Variants in C9orf50 observed in about 807,000 individuals in gnomAD.
The protein encoded by C9orf50 is uncharacterized protein C9orf50.
In C9orf50, 33 loss-of-function variants were observed where a neutral mutation model predicts 42.5. The ratio of observed to expected loss-of-function variants is 0.78; its 90% confidence interval spans 0.59 to 1.04. The LOEUF (loss-of-function observed/expected upper bound fraction) is 1.04, where lower values mean the gene tolerates loss of function less well. C9orf50 is among the 50% of genes least tolerant of loss of function. The pLI, the probability that C9orf50 is intolerant of heterozygous loss-of-function variation, is 0.00. For missense variants in C9orf50, 547 were observed against 594.3 expected (o/e 0.92, Z 0.83); for synonymous variants, 257 against 273.4 (o/e 0.94, Z 0.59).
At chr9:129,620,827 G>GC (rs1830669103), upstream of C9orf50, 1 of 375,274 alleles carries the variant, frequency 2.7e-6, no homozygotes, top group South Asian at 1.4e-4. This position sits in a 1 kb window ranked among gnomAD's most constrained non-coding sequence, Gnocchi z 5.8. Flanking sequence ...GTTTAAATGA[G>GC]CAAGTACATG....
At position 129,615,657 on chromosome 9, in the gene C9orf50, G is replaced by A; in HGVS notation, c.717-10C>T. On this transcript the variant is annotated splice_polypyrimidine_tract_variant and intron_variant, in intron 3 of 6. Coordinates refer to ENST00000372478, the Ensembl canonical transcript of C9orf50. ...TGCACCGTGGGGCCTGCTGAGAGAG[G>A]GGAGAGGGGCCTGTGCTCGAAGCCC... The A allele has an allele frequency of 1.3e-6, 2 of 1,536,718 alleles. No individual in the cohort carries two copies. Among genetic ancestry groups the A allele is most frequent in the Non-Finnish European group, 1.7e-6 (2 of 1,147,206 alleles).
Position 129,613,040 on chromosome 9 carries a change from C to T in C9orf50, c.1188+67G>A. ...CCAGCCACTCCACCAAACAGGGCTG[C>T]TCCCGGAGCCAGCTGCCAGCAGGGG... On this transcript the variant is annotated intron_variant, in intron 6 of 6. Coordinates refer to ENST00000372478, the Ensembl canonical transcript of C9orf50. This position sits in a 1 kb window ranked among gnomAD's most constrained non-coding sequence, Gnocchi z 6.2. 6.3e-7 allele frequency: 1 copy of T among 1,596,410 alleles called. No individual in the cohort carries two copies. Among genetic ancestry groups the T allele is most frequent in the Non-Finnish European group, 8.5e-7 (1 of 1,173,330 alleles).
At chr9:129,618,131 G>T (rs999364703) in intron 3 of C9orf50, among the ~76,000 whole-genome samples, 1 of 152,190 alleles carries the variant, frequency 6.6e-6, no homozygotes. Flanking sequence ...TGATATGTTT[G>T]TGATGTATTT....
chr9:129,620,038 C>A lies in C9orf50; in HGVS notation c.508+29G>T. 2 of 1,454,250 alleles carry A rather than the reference C, an allele frequency of 1.4e-6. No homozygotes were observed. The allele number at this position is 1,454,250 out of a possible 1,614,324, so 90.1% of individuals were successfully genotyped here. A position where few individuals can be genotyped will look rare whatever the true frequency, so the allele number is the denominator to read the frequency against. ...CACCCCCCACCGGAAATGACTCGGGCCCGCCCCCCGGGCCCCGCGGGGCCT... is the reference window on the plus strand; with the variant it reads ...CACCCCCCACCGGAAATGACTCGGGACCGCCCCCCGGGCCCCGCGGGGCCT... On this transcript the variant is annotated intron_variant, in intron 1 of 6. Coordinates refer to ENST00000372478, the Ensembl canonical transcript of C9orf50. The surrounding 1 kb of genome is among the most constrained non-coding windows in gnomAD (Gnocchi z 5.8).
chr9:129,615,722 G>A (rs752926151), intron 3 of C9orf50, 75 bp from the exon 4 acceptor site: 15 of 1,426,896 alleles, frequency 1.1e-5, no homozygotes, highest in South Asian at 2.9e-5. Flanking sequence ...CCCCAGACTC[G>A]CTGTGAGATC....
Position 129,613,144 on chromosome 9 carries a change from A to C in C9orf50, c.1151T>G (p.Leu384Arg), listed in dbSNP as rs1203527718. 6.2e-7 allele frequency: 1 copy of C among 1,613,844 alleles called. No homozygotes were observed. Among genetic ancestry groups the C allele is most frequent in the South Asian group, 1.1e-5 (1 of 91,080 alleles). ...TCTGTGCGGGTCCAAGAAGGCTCGG[A>C]GGCTGCTTCGCGGCCTCTGAGCAGC... Residue 384 changes from leucine to arginine, a missense_variant, in exon 6 of 7, where the codon CTC becomes CGC. Around this residue, in one of 3 missense-constraint regions of C9orf50, gnomAD observed 334 missense variants for 323.7 expected, o/e 1.03. Coordinates refer to ENST00000372478, the Ensembl canonical transcript of C9orf50. The surrounding 1 kb of genome is among the most constrained non-coding windows in gnomAD (Gnocchi z 6.2).
Position 129,620,685 on chromosome 9 carries a change from A to ACTAT in C9orf50, c.-112_-111insATAG. Reference sequence around the variant, plus strand: ...CAGGCCATAGTGCCCCGGGCGGGGCAGCGCGGTGCGGGGTGAACGCCACCG... The same window carrying ACTAT: ...CAGGCCATAGTGCCCCGGGCGGGGCACTATGCGCGGTGCGGGGTGAACGCCACCG... On this transcript the variant is annotated 5_prime_UTR_variant, in exon 1 of 7. Coordinates refer to ENST00000372478, the Ensembl canonical transcript of C9orf50. This position sits in a 1 kb window ranked among gnomAD's most constrained non-coding sequence, Gnocchi z 5.8. The ACTAT allele has an allele frequency of 9.5e-7, 1 of 1,054,922 alleles. No homozygotes were observed. Among genetic ancestry groups the ACTAT allele is most frequent in the Non-Finnish European group, 1.2e-6 (1 of 826,772 alleles). 65.3% of individuals were successfully genotyped at this position (1,054,922 alleles called of 1,614,324 possible).
At chr9:129,619,425 A>G in intron 3 of C9orf50, 95 bp downstream of exon 3, 1 of 877,522 alleles carries the variant, frequency 1.1e-6, no homozygotes, top group South Asian at 1.6e-5. Flanking sequence ...AGATAGGTGG[A>G]TAAATGAATA....
At position 129,614,254 on chromosome 9, in the gene C9orf50, C is replaced by G. The variant is rs1209745126; in HGVS notation, c.881-657G>C. Among the ~76,000 whole-genome samples the G allele has an allele frequency of 1.3e-5, 2 of 152,208 alleles. No individual in the cohort carries two copies. Among genetic ancestry groups the G allele is most frequent in the East Asian group, 3.8e-4 (2 of 5,196 alleles). ...CTCTGCGTCACCCACACAAGCCCAT[C>G]CTGCTTCTGGGGCCTTGGTTTCCCC... On this transcript the variant is annotated intron_variant, in intron 4 of 6. Transcript: ENST00000372478. The surrounding 1 kb of genome is among the most constrained non-coding windows in gnomAD (Gnocchi z 4.4).
In C9orf50 at chr9:129,613,252, C is replaced by T. The variant is rs756420695; in HGVS notation, c.1044-1G>A. ...GTAGCCCTGTGTCTTCTGGGTGGAC[C>T]TGGGGGAGACAGGACCCCATGAGCT... is the stretch of plus-strand genomic sequence containing the variant. On this transcript the variant is annotated splice_acceptor_variant, in intron 5 of 6. Coordinates refer to ENST00000372478, the Ensembl canonical transcript of C9orf50. LOFTEE classifies it high-confidence loss of function. This position sits in a 1 kb window ranked among gnomAD's most constrained non-coding sequence, Gnocchi z 6.2. 9 of 1,601,272 alleles carry T rather than the reference C, an allele frequency of 5.6e-6. No homozygotes were observed. Among genetic ancestry groups the T allele is most frequent in the Non-Finnish European group, 6.8e-6 (8 of 1,172,288 alleles).
In C9orf50 at chr9:129,620,525, C is replaced by A; in HGVS notation, c.50G>T (p.Gly17Val). Residue 17 changes from glycine to valine, a missense_variant, in exon 1 of 7, where the codon GGG (glycine) becomes GTG (valine). Physicochemically the swap from Gly to Val is moderately radical, Grantham distance 109. Transcript: ENST00000372478. This position sits in a 1 kb window ranked among gnomAD's most constrained non-coding sequence, Gnocchi z 5.8. Reference sequence around the variant, plus strand: ...TCGGAAGTCTCCGTCGCCAGGGAGCCCCTTGGGCGCCAGGTCCTGGGCCCC... The same window carrying A: ...TCGGAAGTCTCCGTCGCCAGGGAGCACCTTGGGCGCCAGGTCCTGGGCCCC... The A allele has an allele frequency of 6.9e-7, 1 of 1,445,278 alleles. No homozygotes were observed. Among genetic ancestry groups the A allele is most frequent in the South Asian group, 1.4e-5 (1 of 71,984 alleles). The allele number at this position is 1,445,278 out of a possible 1,614,324, so 89.5% of individuals were successfully genotyped here.
chr9:129,614,733 T>C lies in C9orf50; in HGVS notation c.880+751A>G, dbSNP rs1830266502. 6.6e-6 allele frequency among the ~76,000 whole-genome samples: 1 copy of C among 151,668 alleles called. No homozygotes were observed. Among genetic ancestry groups the C allele is most frequent in the South Asian group, 2.1e-4 (1 of 4,808 alleles). The stretch of plus-strand genomic sequence containing the variant: ...CCCTGGTCAACATGGAGAAACCCCG[T>C]CTCTACTAAAAATACAAAATTAGCC... On this transcript the variant is annotated intron_variant, in intron 4 of 6. Transcript: ENST00000372478. The surrounding 1 kb of genome is among the most constrained non-coding windows in gnomAD (Gnocchi z 4.4).
chr9:129,620,523 G>T lies in C9orf50; in HGVS notation c.52C>A (p.Leu18Ile). 6.9e-7 allele frequency: 1 copy of T among 1,444,892 alleles called. No individual in the cohort carries two copies. The highest frequency in any genetic ancestry group is 1.4e-5 in the South Asian group (1 of 71,954). The allele number at this position is 1,444,892 out of a possible 1,614,324, so 89.5% of individuals were successfully genotyped here. Residue 18 changes from leucine (L) to isoleucine (I), a missense_variant, in exon 1 of 7, where the codon CTC becomes ATC. Physicochemically the swap from Leu to Ile is conservative, Grantham distance 5 (BLOSUM62 2). Around this residue, in one of 3 missense-constraint regions of C9orf50, gnomAD observed 105 missense variants for 98.5 expected, o/e 1.07. Transcript: ENST00000372478. The surrounding 1 kb of genome is among the most constrained non-coding windows in gnomAD (Gnocchi z 5.8). ...CGTCGGAAGTCTCCGTCGCCAGGGAGCCCCTTGGGCGCCAGGTCCTGGGCC... is the reference window on the plus strand; with the variant it reads ...CGTCGGAAGTCTCCGTCGCCAGGGATCCCCTTGGGCGCCAGGTCCTGGGCC...
In C9orf50 at chr9:129,613,376, A is replaced by AG. The variant is rs1316044331; in HGVS notation, c.1043+58dup. 2.5e-6 allele frequency: 4 copies of AG among 1,595,144 alleles called. No individual in the cohort carries two copies. Among genetic ancestry groups the AG allele is most frequent in the East Asian group, 2.2e-5 (1 of 44,604 alleles). On this transcript the variant is annotated intron_variant, in intron 5 of 6. Transcript: ENST00000372478. This position sits in a 1 kb window ranked among gnomAD's most constrained non-coding sequence, Gnocchi z 6.2. ...TGCTGGGTGGGGAGGTCTGTAGGCA[A>AG]GGGGGGTGGAGGGCCCTGGCAATGT...
In C9orf50 at chr9:129,620,547, C is replaced by A; in HGVS notation, c.28G>T (p.Ala10Ser). The A allele has an allele frequency of 7.1e-7, 1 of 1,402,502 alleles. No individual in the cohort carries two copies. The highest frequency in any genetic ancestry group is 2.7e-5 in the Admixed American group (1 of 37,600). The allele number at this position is 1,402,502 out of a possible 1,614,324, so 86.9% of individuals were successfully genotyped here. A position where few individuals can be genotyped will look rare whatever the true frequency, so the allele number is the denominator to read the frequency against. Residue 10 changes from alanine to serine, a missense_variant, in exon 1 of 7, where the codon GCC becomes TCC. By Grantham distance (99) the Ala-to-Ser change is moderately conservative. Around this residue, in one of 3 missense-constraint regions of C9orf50, gnomAD observed 105 missense variants for 98.5 expected, o/e 1.07. Transcript: ENST00000372478. The surrounding 1 kb of genome is among the most constrained non-coding windows in gnomAD (Gnocchi z 5.8). Reference sequence around the variant, plus strand: ...AGCCCCTTGGGCGCCAGGTCCTGGGCCCCTGGGCGAAGTCGACGCCAGAAC... The same window carrying A: ...AGCCCCTTGGGCGCCAGGTCCTGGGACCCTGGGCGAAGTCGACGCCAGAAC...
At position 129,619,783 on chromosome 9, in the gene C9orf50, C is replaced by G. The variant is rs143974399; in HGVS notation, c.556G>C (p.Gly186Arg). 148 of 1,614,100 alleles carry G rather than the reference C, an allele frequency of 9.2e-5. No individual in the cohort carries two copies. In the African/African-American group the frequency reaches 1.8e-3, roughly 20 times the overall value. ...GAACAGTTGGGACACCGCGGAGACCCTGGGCAGTGCTCTAATACACCCCTT... is the reference window on the plus strand; with the variant it reads ...GAACAGTTGGGACACCGCGGAGACCGTGGGCAGTGCTCTAATACACCCCTT... The change falls in exon 2 of 7, where the codon GGG becomes CGG. Residue 186 changes from glycine to arginine, a missense_variant. By Grantham distance (125) the Gly-to-Arg change is moderately radical (BLOSUM62 -2). Coordinates refer to ENST00000372478, the Ensembl canonical transcript of C9orf50.
chr9:129,612,306 G>T (rs1249555486), exon 7 of C9orf50: 8 of 1,543,716 alleles, frequency 5.2e-6, no homozygotes, highest in Non-Finnish European at 7.1e-6. Flanking sequence ...GCTCCTCATT[G>T]CCTGGCCCAT....
At chr9:129,617,320 C>T (rs561402333) in intron 3 of C9orf50, among the ~76,000 whole-genome samples, 37 of 152,334 alleles carry the variant, frequency 2.4e-4, no homozygotes, top group African/African-American at 8.2e-4. Flanking sequence ...GGGACCTAGT[C>T]ATCTAACAGT....
chr9:129,613,863 G>A lies in C9orf50; in HGVS notation c.881-266C>T, dbSNP rs1002753033. On this transcript the variant is annotated intron_variant, in intron 4 of 6. Transcript: ENST00000372478. The surrounding 1 kb of genome is among the most constrained non-coding windows in gnomAD (Gnocchi z 6.2). ...AGCGTGCCCCCTTTCTCGCAGTGGG[G>A]AGACCACTTACCCCATCATAGAAAT... 2.0e-5 allele frequency among the ~76,000 whole-genome samples: 3 copies of A among 152,212 alleles called. No individual in the cohort carries two copies. The highest frequency in any genetic ancestry group is 6.5e-5 in the Admixed American group (1 of 15,286).
Sources: gnomAD v4.1 joint callset for allele counts (sites outside exome capture counted in the v4.1 genomes callset) on GRCh38, gnomAD v4.1.1 for gene constraint, gnomAD v4.1.1 regional missense constraint, Gnocchi (gnomAD v3.1) non-coding constraint, MANE v1.5 for transcripts, NCBI Gene and HGNC (gene_info 2026-07-23, HGNC 2026-07-21) for gene names.